GRM7: variants seen among roughly 807,000 people sequenced by gnomAD.
The protein encoded by GRM7 is metabotropic glutamate receptor 7.
Under a neutral mutation model 84.5 loss-of-function variants are expected in GRM7, and 35 were observed. That is an observed-to-expected ratio of 0.41 (90% CI 0.32 to 0.55). GRM7 has a LOEUF of 0.55. GRM7 is among the 20% of genes least tolerant of loss of function. The probability of loss-of-function intolerance (pLI) is 0.19; values close to 1 mark genes in which losing one functional copy is unlikely to be tolerated. For synonymous variants in GRM7, 487 were observed against 455.1 expected, an observed-to-expected ratio of 1.07 and a Z score of -0.89; for missense variants, 1,003 against 1,194.6, an observed-to-expected ratio of 0.84 and a Z score of 2.36.
At chr3:7,373,218 A>G (rs1300002387) in intron 4 of GRM7, among the ~76,000 whole-genome samples, 1 of 152,118 alleles carries the variant, frequency 6.6e-6, no homozygotes, top group Non-Finnish European at 1.5e-5. Context: ...CCTAAATCCT[A>G]TTTACTAAGT....
intron 8 of GRM7, among the ~76,000 whole-genome samples, chr3:7,603,001 C>T (rs1001073161): frequency 3.9e-5 from 6 of 152,106 alleles, no homozygotes; most frequent in Admixed American, 3.3e-4. Context: ...ATTTTATAAA[C>T]TCATTTTATT....
chr3:7,496,312 G>C (rs142992382), intron 7 of GRM7, among the ~76,000 whole-genome samples: 1 of 152,306 alleles, frequency 6.6e-6, no homozygotes, highest in East Asian at 1.9e-4. Context: ...CTCTGGACAT[G>C]ATATGCTGAG....
At chr3:7,719,721 A>T (rs1052806363) in intron 9 of GRM7, among the ~76,000 whole-genome samples, 3 of 151,284 alleles carry the variant, frequency 2.0e-5, no homozygotes, top group African/African-American at 7.3e-5. Flanking sequence ...CTGAGACAGG[A>T]GAATGGCATA....
chr3:7,415,263 A>G (rs1696114425), intron 5 of GRM7, 100 bp downstream of exon 5: 3 of 1,013,408 alleles, frequency 3.0e-6, no homozygotes, highest in African/African-American at 3.3e-5. Context: ...GACAAATTGA[A>G]AAAGTAAATT....
chr3:7,176,261 A>AAT (rs1378838827), intron 2 of GRM7, among the ~76,000 whole-genome samples: 1 of 122,740 alleles, frequency 8.1e-6, no homozygotes, highest in African/African-American at 3.1e-5. Flanking sequence ...AAAAAAAAAA[A>AAT]ATAGCTGGGT....
At chr3:7,128,153 A>G (rs1180629852) in intron 1 of GRM7, among the ~76,000 whole-genome samples, 1 of 151,780 alleles carries the variant, frequency 6.6e-6, no homozygotes, top group Admixed American at 6.6e-5. Context: ...AAACTGGTGG[A>G]TATAAAGTAT....
intron 2 of GRM7, among the ~76,000 whole-genome samples, chr3:7,214,166 T>C (rs1456544469): frequency 6.7e-6 from 1 of 148,494 alleles, no homozygotes; most frequent in East Asian, 2.0e-4. Flanking sequence ...TAAGAACTCA[T>C]AAATGAAGCA....
intron 1 of GRM7, among the ~76,000 whole-genome samples, chr3:7,007,573 T>C (rs902235777): frequency 6.6e-6 from 1 of 152,214 alleles, no homozygotes; most frequent in Non-Finnish European, 1.5e-5. Context: ...ACCGCACCAA[T>C]GCCTGGATGT....
intron 1 of GRM7, among the ~76,000 whole-genome samples, chr3:6,868,633 C>G (rs1184038684): frequency 6.6e-6 from 1 of 152,138 alleles, no homozygotes; most frequent in Non-Finnish European, 1.5e-5. Context: ...AACTTCATTT[C>G]GTTCACTCCA....
At chr3:7,344,886 A>G (rs1692819864) in intron 4 of GRM7, among the ~76,000 whole-genome samples, 1 of 152,118 alleles carries the variant, frequency 6.6e-6, no homozygotes, top group Admixed American at 6.6e-5. Context: ...TTAACAATTC[A>G]TTGTATATTT....
chr3:7,599,665 A>T (rs994830413), intron 8 of GRM7, among the ~76,000 whole-genome samples: 1 of 152,204 alleles, frequency 6.6e-6, no homozygotes, highest in African/African-American at 2.4e-5. Flanking sequence ...AAAGTATTTT[A>T]CAGCTTTATT....
At chr3:6,929,145 C>A (rs1679910549) in intron 1 of GRM7, among the ~76,000 whole-genome samples, 1 of 152,204 alleles carries the variant, frequency 6.6e-6, no homozygotes, top group Non-Finnish European at 1.5e-5. Flanking sequence ...ACAGTCAAAG[C>A]ATTCTGAGTA....
intron 1 of GRM7, among the ~76,000 whole-genome samples, chr3:6,974,332 T>C (rs1297413991): frequency 2.0e-5 from 3 of 152,172 alleles, no homozygotes; most frequent in Admixed American, 2.0e-4. Context: ...AGATGTTGAA[T>C]AGACAGTTGA....
chr3:6,932,749 CTCTTT>C (rs1467987604), intron 1 of GRM7, among the ~76,000 whole-genome samples: 5 of 124,998 alleles, frequency 4.0e-5, no homozygotes, highest in Admixed American at 1.7e-4. Flanking sequence ...TCTTCTTTCT[CTCTTT>C]TTTTTTTTTT....
chr3:7,657,278 A>AAAAG lies in GRM7; in HGVS notation c.2452-22769_2452-22766dup, dbSNP rs1486524224. On this transcript the variant is annotated intron_variant, in intron 8 of 9. Transcript: ENST00000357716. ...AAACAGTCTAAATTGGGGAAAAATA[A>AAAAG]AAAGATAAATGGTAATTATTTGAGT... Among the ~76,000 whole-genome samples, 6 of 152,336 alleles carry AAAAG rather than the reference A, an allele frequency of 3.9e-5. No individual in the cohort carries two copies. The East Asian group carries it at 1.2e-3, about 29-fold the overall frequency.
At chr3:7,669,150 C>G (rs1259443901) in intron 8 of GRM7, among the ~76,000 whole-genome samples, 2 of 152,128 alleles carry the variant, frequency 1.3e-5, no homozygotes, top group Non-Finnish European at 2.9e-5. Context: ...TTAAGTCTAG[C>G]AAGGGGACAC....
intron 5 of GRM7, among the ~76,000 whole-genome samples, chr3:7,452,131 G>A (rs919014762): frequency 6.6e-6 from 1 of 152,150 alleles, no homozygotes; most frequent in Non-Finnish European, 1.5e-5. Flanking sequence ...ACGGACATCA[G>A]TGTTTCTAGC....
chr3:7,030,298 G>A (rs540559128), intron 1 of GRM7, among the ~76,000 whole-genome samples: 1 of 152,202 alleles, frequency 6.6e-6, no homozygotes, highest in Non-Finnish European at 1.5e-5. Flanking sequence ...GTACGTGTGT[G>A]TCAGAAGGTT....
rs1330462711 is a variant in GRM7 at position 7,578,731 on chromosome 3, A to G, written c.1825A>G (p.Met609Val). Reference sequence around the variant, plus strand: ...GGGGATCATTGCCACCATCTTTGTCATGGCCACTTTCATCCGCTACAATGA... The same window carrying G: ...GGGGATCATTGCCACCATCTTTGTCGTGGCCACTTTCATCCGCTACAATGA... ...MLGIIATIFV[M>V]ATFIRYNDTP... The change falls in exon 8 of 10, where the codon ATG (methionine) becomes GTG (valine). Residue 609 changes from methionine (M) to valine (V), a missense_variant. Met to Val is a conservative substitution (Grantham distance 21). Transcript: ENST00000357716. 6 of 1,613,904 alleles carry G rather than the reference A, an allele frequency of 3.7e-6. No individual in the cohort carries two copies. Among genetic ancestry groups the G allele is most frequent in the Middle Eastern group, 1.6e-4 (1 of 6,084 alleles).
Sources: allele counts gnomAD v4.1 joint callset (sites outside exome capture counted in the v4.1 genomes callset), GRCh38; gene constraint gnomAD v4.1.1; transcripts MANE v1.5; gene names NCBI Gene and HGNC (gene_info 2026-07-23, HGNC 2026-07-21).